The following CHMP5 variants were observed in gnomAD, a reference collection of about 807,000 sequenced individuals.
The protein encoded by CHMP5 is SNF7 domain containing 2.
In CHMP5, 17 loss-of-function variants were observed where a neutral mutation model predicts 33.0. The ratio of observed to expected loss-of-function variants is 0.52; its 90% CI spans 0.35 to 0.77. The LOEUF (loss-of-function observed/expected upper bound fraction) is 0.77. Among genes scored for constraint, CHMP5 ranks in the 30% least tolerant of loss-of-function variants. CHMP5 has a pLI of 0.01. For missense variants in CHMP5, 216 were observed against 261.5 expected (o/e 0.83, Z 1.20); for synonymous variants, 76 against 90.2 (o/e 0.84, Z 0.89).
intron 6 of CHMP5, among the ~76,000 whole-genome samples, chr9:33,277,630 C>A (rs1820871214): frequency 6.6e-6 from 1 of 152,096 alleles, no homozygotes; most frequent in Non-Finnish European, 1.5e-5. Flanking sequence ...TTGAAGACAT[C>A]TTAGAAAATT....
intron 5 of CHMP5, 57 bp from the exon 6 acceptor site, chr9:33,276,399 G>T: frequency 1.1e-6 from 1 of 910,438 alleles, no homozygotes; most frequent in South Asian, 1.4e-5. Context: ...TAGGGGAAAA[G>T]GGTAGTTAAA....
rs772935985 is a variant in CHMP5, at chr9:33,278,142, G to A, written c.526G>A (p.Ala176Thr). Reference sequence around the variant, plus strand: ...GGATGCACTAGGTGATGAGCTTCTGGCTGATGAAGACAGTTCTTATTTGGA... The same window carrying A: ...GGATGCACTAGGTGATGAGCTTCTGACTGATGAAGACAGTTCTTATTTGGA... ...ELDALGDELL[A>T]DEDSSYLDEA... The change falls in exon 7 of 8, where the codon GCT becomes ACT. Residue 176 changes from alanine (A) to threonine (T), a missense_variant. By Grantham distance (58) the Ala-to-Thr change is moderately conservative (BLOSUM62 0). Coordinates refer to ENST00000223500, the MANE Select transcript of CHMP5 (RefSeq NM_016410.6). The A allele has an allele frequency of 1.5e-5, 24 of 1,612,104 alleles. No homozygotes were observed. Among genetic ancestry groups the A allele is most frequent in the Non-Finnish European group, 2.0e-5 (24 of 1,178,832 alleles).
chr9:33,271,371 A>G, intron 5 of CHMP5, 148 bp downstream of exon 5: 2 of 657,036 alleles, frequency 3.0e-6, no homozygotes, highest in Non-Finnish European at 5.4e-6. Context: ...AGGGTACCAA[A>G]TGTCTCAGTT....
Position 33,271,243 on chromosome 9 carries a change from C to T in CHMP5, c.387+20C>T. Reference sequence around the variant, plus strand: ...ATTGAGGTGAGACATATGCTAGTTTCTGCAAGAATGTGCACTAGTTTCTGA... The same window carrying T: ...ATTGAGGTGAGACATATGCTAGTTTTTGCAAGAATGTGCACTAGTTTCTGA... On this transcript the variant is annotated intron_variant, in intron 5 of 7. Transcript: ENST00000223500. 1 of 1,596,412 alleles carries T rather than the reference C, an allele frequency of 6.3e-7. No homozygotes were observed.
chr9:33,279,401 C>T (rs1476350575), intron 7 of CHMP5, among the ~76,000 whole-genome samples: 1 of 152,120 alleles, frequency 6.6e-6, no homozygotes, highest in African/African-American at 2.4e-5. Context: ...TTGTATCCTT[C>T]CCTTCTCTGT....
intron 5 of CHMP5, among the ~76,000 whole-genome samples, 189 bp from the exon 6 acceptor site, chr9:33,276,267 T>G (rs1252305032): frequency 6.6e-6 from 1 of 152,200 alleles, no homozygotes; most frequent in East Asian, 1.9e-4. Flanking sequence ...ATTAAAAAAT[T>G]GCTAGCCAAA....
At position 33,276,427 on chromosome 9, in the gene CHMP5, A is replaced by G. The variant is rs763035827; in HGVS notation, c.388-29A>G. The G allele has an allele frequency of 2.3e-6, 3 of 1,281,262 alleles. No homozygotes were observed. In the South Asian group the frequency reaches 3.7e-5, roughly 16 times the overall value. 79.4% of individuals were successfully genotyped at this position (1,281,262 alleles called of 1,614,324 possible). A position where few individuals can be genotyped will look rare whatever the true frequency, so the allele number is the denominator to read the frequency against. ...TAGTTAAAAGAAAATGGTAAATGAGAGAAAATCCTCTCATATATATTTCCG... is the reference window on the plus strand; with the variant it reads ...TAGTTAAAAGAAAATGGTAAATGAGGGAAAATCCTCTCATATATATTTCCG... On this transcript the variant is annotated intron_variant, in intron 5 of 7. Coordinates refer to ENST00000223500, the MANE Select transcript of CHMP5 (RefSeq NM_016410.6).
intron 3 of CHMP5, 143 bp downstream of exon 3, chr9:33,268,042 G>A (rs1011547434): frequency 4.7e-5 from 31 of 659,192 alleles, no homozygotes; most frequent in African/African-American, 4.4e-4. Context: ...AATACAGTTA[G>A]CTGGGTTGTT....
At chr9:33,265,802 C>G (rs750834178) in intron 1 of CHMP5, among the ~76,000 whole-genome samples, 10 of 152,180 alleles carry the variant, frequency 6.6e-5, no homozygotes, top group Non-Finnish European at 1.5e-5. Context: ...CCTGGTATAT[C>G]AGAATCGGGG....
intron 6 of CHMP5, among the ~76,000 whole-genome samples, chr9:33,276,782 A>G (rs1174814006): frequency 6.6e-6 from 1 of 152,220 alleles, no homozygotes; most frequent in Non-Finnish European, 1.5e-5. Flanking sequence ...AAGTCCAGGT[A>G]CAGGCTGACC....
intron 2 of CHMP5, among the ~76,000 whole-genome samples, chr9:33,266,577 G>A (rs2118009342): frequency 6.6e-6 from 1 of 152,346 alleles, no homozygotes; most frequent in Non-Finnish European, 1.5e-5. Context: ...ATCCTTTAGG[G>A]AGGAGAGTTT....
intron 5 of CHMP5, among the ~76,000 whole-genome samples, chr9:33,272,674 T>G (rs831269): frequency 0.82 from 125,321 of 151,914 alleles, 51,808 homozygotes; most frequent in Non-Finnish European, 0.84. Context: ...CATGGTGGTG[T>G]GTGCCTGTAG....
rs1820877437 is a variant in CHMP5, at chr9:33,278,166, G to A, written c.550G>A (p.Asp184Asn). ...GGCTGATGAAGACAGTTCTTATTTG[G>A]ATGAGGCAGCATCTGCACCTGCAAT... ...LLADEDSSYLDEAASAPAIPE... is the reference protein window; with the variant it reads ...LLADEDSSYLNEAASAPAIPE... The change falls in exon 7 of 8, where the codon GAT becomes AAT. Residue 184 changes from aspartate (D) to asparagine (N), a missense_variant. By Grantham distance (23) the Asp-to-Asn change is conservative. Coordinates refer to ENST00000223500, the MANE Select transcript of CHMP5 (RefSeq NM_016410.6). 6 of 1,613,510 alleles carry A rather than the reference G, an allele frequency of 3.7e-6. No individual in the cohort carries two copies. The highest frequency in any genetic ancestry group is 5.1e-6 in the Non-Finnish European group (6 of 1,179,714).
intron 7 of CHMP5, among the ~76,000 whole-genome samples, chr9:33,279,629 TG>T (rs776472681): frequency 4.6e-5 from 7 of 152,018 alleles, no homozygotes; most frequent in Non-Finnish European, 7.4e-5. Context: ...TTTGGGAGGC[TG>T]GGGCAGGCGG....
chr9:33,276,694 C>T (rs890838714), intron 6 of CHMP5, 130 bp downstream of exon 6: 1 of 605,716 alleles, frequency 1.7e-6, no homozygotes, highest in Non-Finnish European at 3.0e-6. Context: ...GGTACTGTCC[C>T]TGGGCAAAGA....
chr9:33,277,357 GTAAT>G (rs1451310570), intron 6 of CHMP5, among the ~76,000 whole-genome samples: 2 of 152,110 alleles, frequency 1.3e-5, no homozygotes, highest in African/African-American at 4.8e-5. Flanking sequence ...TTTGCTTCAA[GTAAT>G]TAATTACTAG....
At chr9:33,265,848 C>T (rs1277122633) in intron 1 of CHMP5, among the ~76,000 whole-genome samples, 162 bp from the exon 2 acceptor site, 1 of 152,138 alleles carries the variant, frequency 6.6e-6, no homozygotes, top group Non-Finnish European at 1.5e-5. Flanking sequence ...ATTTATAAAG[C>T]CCAGGGTTTC....
chr9:33,271,306 C>T (rs1184965846), intron 5 of CHMP5, 83 bp downstream of exon 5: 14 of 1,108,534 alleles, frequency 1.3e-5, no homozygotes, highest in Admixed American at 5.4e-5. Flanking sequence ...AGGAAGAGCA[C>T]AGGAGAGGAA....
In CHMP5 at chr9:33,274,553, A is replaced by G. The variant is rs147105404; in HGVS notation, c.388-1903A>G. ...AAAATATATATAGTATTAGGTGCTT[A>G]GTGTTTTACATATATTATTGCAATA... On this transcript the variant is annotated intron_variant, in intron 5 of 7. Transcript: ENST00000223500. 4.6e-5 allele frequency among the ~76,000 whole-genome samples: 7 copies of G among 152,322 alleles called. No homozygotes were observed. The East Asian group carries it at 1.3e-3, about 29-fold the overall frequency.
Sources: gnomAD v4.1 joint callset for allele counts (sites outside exome capture counted in the v4.1 genomes callset) on GRCh38, gnomAD v4.1.1 for gene constraint, MANE v1.5 for transcripts, NCBI Gene and HGNC (gene_info 2026-07-23, HGNC 2026-07-21) for gene names.